The following CATSPERB variants were observed in gnomAD, a reference collection of about 807,000 sequenced individuals.
CATSPERB encodes catsper channel auxiliary subunit beta.
CATSPERB carries 93 observed loss-of-function variants against 128.3 expected under a neutral mutation model. That is an observed-to-expected ratio of 0.72 (90% confidence interval 0.61 to 0.86). CATSPERB has a LOEUF of 0.86. CATSPERB is among the 40% of genes least tolerant of loss of function. CATSPERB has a pLI of 0.00. For synonymous variants in CATSPERB, 381 were observed against 448.8 expected (o/e 0.85, Z 1.91); for missense variants, 1,153 against 1,329.5 (o/e 0.87, Z 2.06).
chr14:91,696,485 T>G (rs1449861479), intron 7 of CATSPERB, among the ~76,000 whole-genome samples: 2 of 152,136 alleles, frequency 1.3e-5, no homozygotes, highest in Non-Finnish European at 2.9e-5. Flanking sequence ...AAGAAATGTT[T>G]TAGTACGGTG....
chr14:91,614,275 G>T (rs966093177), intron 20 of CATSPERB, among the ~76,000 whole-genome samples: 9 of 134,536 alleles, frequency 6.7e-5, no homozygotes, highest in African/African-American at 1.1e-4. Flanking sequence ...AGCCAATCCA[G>T]GTAGTCTTCT....
intron 15 of CATSPERB, among the ~76,000 whole-genome samples, chr14:91,649,559 C>T (rs1027345751): frequency 4.0e-5 from 6 of 150,722 alleles, no homozygotes; most frequent in African/African-American, 7.4e-5. Context: ...TGCAGTGGCA[C>T]GAACTTGGCT....
At chr14:91,683,205 T>C (rs904391319) in intron 11 of CATSPERB, among the ~76,000 whole-genome samples, 3 of 152,196 alleles carry the variant, frequency 2.0e-5, no homozygotes, top group Non-Finnish European at 4.4e-5. Context: ...TGCACCATAA[T>C]GCTCCCGCAA....
intron 10 of CATSPERB, among the ~76,000 whole-genome samples, chr14:91,688,711 A>AT (rs1237944125): frequency 1.3e-5 from 2 of 151,762 alleles, no homozygotes; most frequent in South Asian, 2.1e-4. Context: ...CTATCTTTCA[A>AT]TTTTTTCCAT....
intron 5 of CATSPERB, among the ~76,000 whole-genome samples, chr14:91,717,376 G>GA (rs889644013): frequency 6.6e-6 from 1 of 151,900 alleles, no homozygotes; most frequent in Non-Finnish European, 1.5e-5. Context: ...ATTTTAAAAT[G>GA]AAAAAAAGGG....
At chr14:91,618,637 T>C (rs527439897) in intron 19 of CATSPERB, among the ~76,000 whole-genome samples, 7 of 152,358 alleles carry the variant, frequency 4.6e-5, no homozygotes, top group East Asian at 1.9e-4. Context: ...AAAACTCTTA[T>C]GCATTTCAAA....
intron 7 of CATSPERB, among the ~76,000 whole-genome samples, chr14:91,695,129 A>ATTTTT (rs34458723): frequency 2.3e-4 from 31 of 133,530 alleles, no homozygotes; most frequent in African/African-American, 7.5e-4. Context: ...AATGGTGGGA[A>ATTTTT]TTTTTTTTTT....
chr14:91,716,262 C>G (rs1895936456), intron 5 of CATSPERB, among the ~76,000 whole-genome samples: 1 of 152,144 alleles, frequency 6.6e-6, no homozygotes, highest in Non-Finnish European at 1.5e-5. Context: ...AAAAAAGATG[C>G]TCAATGTCAT....
At chr14:91,665,472 C>T (rs10135631) in intron 14 of CATSPERB, among the ~76,000 whole-genome samples, 12,513 of 152,102 alleles carry the variant, frequency 0.082, 548 homozygotes, top group Middle Eastern at 0.16. Flanking sequence ...TTTAGATGAT[C>T]GCCTGTTATA....
chr14:91,692,175 C>CA (rs748422210), intron 9 of CATSPERB, among the ~76,000 whole-genome samples: 2,663 of 54,728 alleles, frequency 0.049, 47 homozygotes, highest in Non-Finnish European at 0.057. Context: ...GACTCAGTCT[C>CA]AAAAAAAAAA....
At chr14:91,716,438 C>T (rs1271644993) in intron 5 of CATSPERB, among the ~76,000 whole-genome samples, 1 of 151,962 alleles carries the variant, frequency 6.6e-6, no homozygotes, top group Non-Finnish European at 1.5e-5. Context: ...ATTAGCCGGG[C>T]CTGGTGGTGC....
chr14:91,660,999 C>A (rs1894871272), intron 14 of CATSPERB, among the ~76,000 whole-genome samples: 1 of 152,148 alleles, frequency 6.6e-6, no homozygotes, highest in Non-Finnish European at 1.5e-5. Flanking sequence ...CTGAATATTA[C>A]AAACACATAC....
chr14:91,646,073 C>A (rs141263950), intron 15 of CATSPERB: 1,643 of 154,698 alleles, frequency 0.011, 24 homozygotes, highest in African/African-American at 0.035. Flanking sequence ...GGCTCGCGCA[C>A]GGTGCGCGCA....
intron 2 of CATSPERB, 89 bp downstream of exon 2, chr14:91,729,308 TACTA>T: frequency 1.9e-6 from 1 of 515,154 alleles, no homozygotes; most frequent in South Asian, 4.3e-5. Context: ...AAAGAAGAAA[TACTA>T]AAAGAAAAAT....
chr14:91,591,088 T>C (rs1171793376), intron 23 of CATSPERB, among the ~76,000 whole-genome samples: 2 of 152,148 alleles, frequency 1.3e-5, no homozygotes, highest in African/African-American at 4.8e-5. Context: ...GATGGAATCT[T>C]GCTCTGTCAT....
intron 11 of CATSPERB, among the ~76,000 whole-genome samples, chr14:91,680,939 T>C (rs1281663278): frequency 2.0e-5 from 3 of 152,164 alleles, no homozygotes; most frequent in Non-Finnish European, 2.9e-5. Context: ...GACACTACTA[T>C]TGACCACTAT....
At chr14:91,690,070 G>T (rs1895440652) in intron 10 of CATSPERB, among the ~76,000 whole-genome samples, 1 of 152,186 alleles carries the variant, frequency 6.6e-6, no homozygotes, top group Non-Finnish European at 1.5e-5. Flanking sequence ...TCGATTCACT[G>T]CAACCTCCGC....
At chr14:91,668,465 A>G (rs567775184) in intron 14 of CATSPERB, among the ~76,000 whole-genome samples, 2 of 152,074 alleles carry the variant, frequency 1.3e-5, no homozygotes, top group East Asian at 1.9e-4. Context: ...TGGACCAATC[A>G]GTGCTCTGTA....
chr14:91,648,386 G>C (rs76416768), intron 15 of CATSPERB, among the ~76,000 whole-genome samples: 1,631 of 152,178 alleles, frequency 0.011, 24 homozygotes, highest in African/African-American at 0.035. Context: ...AGGAAATTTA[G>C]CTATAGTATA....
Sources: gnomAD v4.1 joint callset for allele counts (sites outside exome capture counted in the v4.1 genomes callset) on GRCh38, gnomAD v4.1.1 for gene constraint, MANE v1.5 for transcripts, NCBI Gene and HGNC (gene_info 2026-07-23, HGNC 2026-07-21) for gene names.